ZNF423: variants seen among roughly 807,000 people sequenced by gnomAD.
The protein encoded by ZNF423 is zinc finger protein 423, also known as Ebf-associated zinc finger protein.
In ZNF423, 12 loss-of-function variants were observed where a neutral mutation model predicts 95.8. The observed-to-expected ratio is 0.13, with a 90% confidence interval of 0.08 to 0.20. ZNF423 has a LOEUF of 0.20. ZNF423 is among the 10% of genes least tolerant of loss of function. The pLI is 1.00. For missense variants in ZNF423, 1,316 were observed against 1,737.1 expected (o/e 0.76, Z 4.31); for synonymous variants, 749 against 711.9 (o/e 1.05, Z -0.83).
At chr16:49,661,167 G>T (rs529985486) in intron 3 of ZNF423, among the ~76,000 whole-genome samples, 1 of 148,258 alleles carries the variant, frequency 6.7e-6, no homozygotes, top group African/African-American at 2.5e-5. Context: ...GCAGTAAGCC[G>T]AGATCGCACC....
chr16:49,684,272 A>AT (rs1387482996), intron 3 of ZNF423, among the ~76,000 whole-genome samples: 1 of 152,160 alleles, frequency 6.6e-6, no homozygotes, highest in East Asian at 1.9e-4. Context: ...GTAATGAGGA[A>AT]TTTTTTTCTC....
intron 2 of ZNF423, among the ~76,000 whole-genome samples, chr16:49,766,106 T>C (rs974597296): frequency 3.3e-5 from 5 of 152,142 alleles, no homozygotes; most frequent in African/African-American, 1.2e-4. Context: ...CCACAATTTC[T>C]AAAAAGAAAA....
chr16:49,775,568 A>G (rs1184279865), intron 2 of ZNF423, among the ~76,000 whole-genome samples: 1 of 152,188 alleles, frequency 6.6e-6, no homozygotes, highest in East Asian at 1.9e-4. Flanking sequence ...ATGGTGCCAC[A>G]AGGTAGGGGC....
chr16:49,777,058 G>A (rs951571188), intron 2 of ZNF423, among the ~76,000 whole-genome samples: 1 of 152,178 alleles, frequency 6.6e-6, no homozygotes, highest in Non-Finnish European at 1.5e-5. Flanking sequence ...ACACACTCCT[G>A]TATGCACGTA....
chr16:49,703,700 C>T lies in ZNF423; in HGVS notation c.301+27071G>A, dbSNP rs113365803. On this transcript the variant is annotated intron_variant, in intron 3 of 7. Transcript: ENST00000563137. ...CAGGGAGGCCCAGCAAGGGTGGATC[C>T]GGCTCTGCTGACTTAATGGATTCCT... is the stretch of plus-strand genomic sequence containing the variant. Among the ~76,000 whole-genome samples, 432 of 152,364 alleles carry T rather than the reference C, an allele frequency of 2.8e-3. 2 individuals carry two copies. Among genetic ancestry groups the T allele is most frequent in the African/African-American group, 9.7e-3 (405 of 41,586 alleles).
Position 49,636,974 on chromosome 16 carries a change from C to G in ZNF423, c.2202G>C (p.Gln734His). ...TGGACACCTTGGAGTCGAAGACCTC[C>G]TGACACAGGGTGCAGTGGTACAACA... ...TFVLYHCTLCQEVFDSKVSIQ... is the reference protein window; with the variant it reads ...TFVLYHCTLCHEVFDSKVSIQ... The change falls in exon 4 of 8, where the codon CAG becomes CAC. Residue 734 changes from glutamine (Q) to histidine (H), a missense_variant. This residue lies in a region of ZNF423 where 620 missense variants were observed against 775.6 expected (regional missense o/e 0.80). Transcript: ENST00000563137. This position sits in a 1 kb window ranked among gnomAD's most constrained non-coding sequence, Gnocchi z 8.6. The G allele has an allele frequency of 6.2e-7, 1 of 1,613,826 alleles. No individual in the cohort carries two copies. Among genetic ancestry groups the G allele is most frequent in the Non-Finnish European group, 8.5e-7 (1 of 1,179,974 alleles).
At chr16:49,546,657 G>C (rs1354990494) in intron 5 of ZNF423, among the ~76,000 whole-genome samples, 1 of 152,188 alleles carries the variant, frequency 6.6e-6, no homozygotes, top group Non-Finnish European at 1.5e-5. Context: ...GAAGCTATCC[G>C]TGGAAGCTCG....
intron 3 of ZNF423, among the ~76,000 whole-genome samples, chr16:49,660,843 G>T (rs538465159): frequency 4.0e-5 from 6 of 149,444 alleles, no homozygotes; most frequent in East Asian, 3.9e-4. Flanking sequence ...TGGGGGGATG[G>T]GGGGGGAGCT....
chr16:49,789,416 G>A lies in ZNF423; in HGVS notation c.100+71C>T, dbSNP rs998882545. The A allele has an allele frequency of 7.5e-6, 11 of 1,474,052 alleles. No individual in the cohort carries two copies. In the African/African-American group the frequency reaches 1.6e-4, roughly 21 times the overall value. The allele number at this position is 1,474,052 out of a possible 1,614,324, so 91.3% of individuals were successfully genotyped here. On this transcript the variant is annotated intron_variant, in intron 2 of 7. Coordinates refer to ENST00000563137, the MANE Select transcript of ZNF423 (RefSeq NM_001379286.1). ...GAATATCATTTCCATAACCAGCTGGGTGGCTTTCTGAGTTCCTGGGCCAGC... is the reference window on the plus strand; with the variant it reads ...GAATATCATTTCCATAACCAGCTGGATGGCTTTCTGAGTTCCTGGGCCAGC...
At chr16:49,675,051 C>T (rs927797146) in intron 3 of ZNF423, among the ~76,000 whole-genome samples, 1 of 152,174 alleles carries the variant, frequency 6.6e-6, no homozygotes, top group Non-Finnish European at 1.5e-5. Context: ...GTGTGGAATT[C>T]ATCTGCTGTG....
intron 5 of ZNF423, among the ~76,000 whole-genome samples, chr16:49,555,512 C>T (rs191682178): frequency 2.0e-5 from 3 of 152,366 alleles, no homozygotes; most frequent in Non-Finnish European, 4.4e-5. Flanking sequence ...GGTTAAGTAG[C>T]TTTCCTAGGA....
At chr16:49,702,550 GC>G in intron 3 of ZNF423, among the ~76,000 whole-genome samples, 1 of 152,228 alleles carries the variant, frequency 6.6e-6, no homozygotes, top group African/African-American at 2.4e-5. Flanking sequence ...CAGGGTGGAG[GC>G]GGGGGGCTGG....
intron 5 of ZNF423, among the ~76,000 whole-genome samples, chr16:49,554,724 T>C (rs1325730997): frequency 6.6e-6 from 1 of 152,014 alleles, no homozygotes; most frequent in African/African-American, 2.4e-5. Context: ...AATCATTATA[T>C]GATTATTGTA....
chr16:49,689,022 G>A lies in ZNF423; in HGVS notation c.301+41749C>T, dbSNP rs551910261. On this transcript the variant is annotated intron_variant, in intron 3 of 7. Transcript: ENST00000563137. ...ATACCAGGCACCTCAGGAGATCTTG[G>A]CCAGGAGCACAGCCACACAGGTGAG... Among the ~76,000 whole-genome samples, 11 of 152,312 alleles carry A rather than the reference G, an allele frequency of 7.2e-5. No individual in the cohort carries two copies. In the East Asian group the frequency reaches 1.9e-3, roughly 27 times the overall value.
At chr16:49,794,100 G>C (rs2034460600) in intron 1 of ZNF423, among the ~76,000 whole-genome samples, 1 of 151,964 alleles carries the variant, frequency 6.6e-6, no homozygotes, top group African/African-American at 2.4e-5. Context: ...GCAGTGGTGT[G>C]ATCACAGCTC....
intron 3 of ZNF423, among the ~76,000 whole-genome samples, chr16:49,678,227 TA>T (rs999859528): frequency 1.3e-5 from 2 of 150,566 alleles, no homozygotes; most frequent in African/African-American, 2.5e-5. Context: ...GTATGTGTTT[TA>T]TTTTTTTTTT....
At chr16:49,611,698 A>T (rs549045784) in intron 5 of ZNF423, among the ~76,000 whole-genome samples, 116 of 152,134 alleles carry the variant, frequency 7.6e-4, no homozygotes, top group Middle Eastern at 3.4e-3. Flanking sequence ...AATTAAACAA[A>T]CAGGTGGTGT....
intron 5 of ZNF423, among the ~76,000 whole-genome samples, chr16:49,592,002 T>C (rs1226879545): frequency 1.3e-5 from 2 of 152,272 alleles, no homozygotes; most frequent in African/African-American, 2.4e-5. Context: ...CAGCAAGCTA[T>C]CTGCTGCTTA....
At chr16:49,593,361 G>A (rs1971077540) in intron 5 of ZNF423, among the ~76,000 whole-genome samples, 2 of 152,082 alleles carry the variant, frequency 1.3e-5, no homozygotes, top group South Asian at 4.2e-4. Context: ...CTGGAGCCTG[G>A]GAGGTCAAGG....
Sources: gnomAD v4.1 joint callset for allele counts (sites outside exome capture counted in the v4.1 genomes callset) on GRCh38, gnomAD v4.1.1 for gene constraint, gnomAD v4.1.1 regional missense constraint, Gnocchi (gnomAD v3.1) non-coding constraint, MANE v1.5 for transcripts, NCBI Gene and HGNC (gene_info 2026-07-23, HGNC 2026-07-21) for gene names.